MED12L: variants seen among roughly 807,000 people sequenced by gnomAD.
MED12L encodes mediator of RNA polymerase II transcription subunit 12-like protein.
MED12L carries 60 observed loss-of-function variants against 281.3 expected under a neutral mutation model. That is an observed-to-expected ratio of 0.21 (90% CI 0.17 to 0.26). MED12L has a LOEUF of 0.26. MED12L is among the 10% of genes least tolerant of loss of function. The pLI is 1.00. For missense variants in MED12L, 2,146 were observed against 2,680.9 expected, an observed-to-expected ratio of 0.80 and a Z score of 4.41; for synonymous variants, 974 against 987.2, an observed-to-expected ratio of 0.99 and a Z score of 0.25.
At chr3:151,261,978 C>T (rs1343911588) in intron 16 of MED12L, among the ~76,000 whole-genome samples, 3 of 152,104 alleles carry the variant, frequency 2.0e-5, no homozygotes, top group Non-Finnish European at 2.9e-5. Flanking sequence ...TGACCCGCCT[C>T]GGCCTCCCAG....
chr3:151,377,966 G>A (rs1711531570), intron 30 of MED12L, 46 bp from the exon 31 acceptor site: 21 of 1,520,438 alleles, frequency 1.4e-5, no homozygotes, highest in Non-Finnish European at 1.7e-5. Flanking sequence ...TGTGAGAGCA[G>A]GGGAAAGGAT....
At chr3:151,112,290 T>C (rs1386221694) in intron 2 of MED12L, among the ~76,000 whole-genome samples, 1 of 151,574 alleles carries the variant, frequency 6.6e-6, no homozygotes, top group Non-Finnish European at 1.5e-5. Context: ...TTCTTTTTTT[T>C]TTTTTTTTGA....
chr3:151,113,840 T>C (rs1712310185), intron 2 of MED12L, among the ~76,000 whole-genome samples: 1 of 152,152 alleles, frequency 6.6e-6, no homozygotes, highest in East Asian at 1.9e-4. Context: ...TTGGATACAA[T>C]GAGCAGCTAT....
chr3:151,372,505 C>A, intron 26 of MED12L, 62 bp from the exon 27 acceptor site: 2 of 1,217,006 alleles, frequency 1.6e-6, no homozygotes, highest in Admixed American at 3.4e-5. Flanking sequence ...CTCATTTGCT[C>A]CTCAATTATT....
At chr3:151,314,685 T>C (rs1706929694) in intron 16 of MED12L, among the ~76,000 whole-genome samples, 1 of 152,244 alleles carries the variant, frequency 6.6e-6, no homozygotes, top group Non-Finnish European at 1.5e-5. Flanking sequence ...TTTGTGGCTC[T>C]ACCCCATTTC....
chr3:151,354,798 C>T (rs1753706973), intron 17 of MED12L, among the ~76,000 whole-genome samples: 1 of 152,112 alleles, frequency 6.6e-6, no homozygotes, highest in South Asian at 2.1e-4. Context: ...CTGTTGATTG[C>T]AAGATGCCAG....
chr3:151,293,184 T>C (rs1456961249), intron 16 of MED12L, among the ~76,000 whole-genome samples: 1 of 152,208 alleles, frequency 6.6e-6, no homozygotes, highest in African/African-American at 2.4e-5. Context: ...TACCTAACAA[T>C]GATAGTCATT....
intron 36 of MED12L, 81 bp downstream of exon 36, chr3:151,385,272 TAAA>T (rs1468549912): frequency 1.3e-6 from 1 of 775,288 alleles, no homozygotes; most frequent in Admixed American, 3.3e-5. Flanking sequence ...ATAGGATATA[TAAA>T]ATATATTAAT....
chr3:151,344,476 G>A (rs955936606), intron 16 of MED12L, among the ~76,000 whole-genome samples: 1 of 152,078 alleles, frequency 6.6e-6, no homozygotes, highest in African/African-American at 2.4e-5. Flanking sequence ...AAGAAATAGT[G>A]TTTTAAGGCA....
At chr3:151,397,967 C>T (rs557763921) in intron 39 of MED12L, among the ~76,000 whole-genome samples, 29 of 152,248 alleles carry the variant, frequency 1.9e-4, no homozygotes, top group East Asian at 5.8e-4. Context: ...CTGCTTCCTA[C>T]GACAGTTTTC....
intron 16 of MED12L, among the ~76,000 whole-genome samples, chr3:151,240,973 G>A (rs1733954194): frequency 6.6e-6 from 1 of 152,188 alleles, no homozygotes; most frequent in Non-Finnish European, 1.5e-5. Context: ...ACAGGGGCAA[G>A]AATAGAAGGC....
At chr3:151,376,347 G>A in intron 28 of MED12L, 133 bp downstream of exon 28, 2 of 711,962 alleles carry the variant, frequency 2.8e-6, no homozygotes, top group Non-Finnish European at 4.2e-6. Flanking sequence ...CACATTTTCT[G>A]TGGAATTGAC....
intron 16 of MED12L, chr3:151,327,348 C>T (rs1184230143): frequency 6.6e-6 from 1 of 152,178 alleles, no homozygotes; most frequent in African/African-American, 2.4e-5. Context: ...TTGAATTGTA[C>T]ACACTTAAGG....
At chr3:151,129,816 T>C (rs1371023347) in intron 5 of MED12L, among the ~76,000 whole-genome samples, 1 of 152,068 alleles carries the variant, frequency 6.6e-6, no homozygotes, top group Non-Finnish European at 1.5e-5. Context: ...TCACCCATGT[T>C]GGAGTGCAGT....
At chr3:151,243,618 G>A (rs371758512) in intron 16 of MED12L, among the ~76,000 whole-genome samples, 18 of 151,072 alleles carry the variant, frequency 1.2e-4, no homozygotes, top group Middle Eastern at 3.2e-3. Flanking sequence ...TGAAGGAAGC[G>A]CTAAACATGG....
intron 16 of MED12L, chr3:151,269,397 T>TCTCACACACACA (rs925857835): frequency 2.1e-5 from 3 of 144,512 alleles, no homozygotes; most frequent in Admixed American, 6.9e-5. Context: ...TGAAACTCCA[T>TCTCACACACACA]CACACACACA....
chr3:151,318,302 G>C (rs563717916), intron 16 of MED12L, among the ~76,000 whole-genome samples: 1 of 151,208 alleles, frequency 6.6e-6, no homozygotes, highest in African/African-American at 2.4e-5. Context: ...GACTCTCTCT[G>C]TGCTATTTTA....
At chr3:151,311,235 A>G (rs1419383347) in intron 16 of MED12L, among the ~76,000 whole-genome samples, 1 of 152,156 alleles carries the variant, frequency 6.6e-6, no homozygotes, top group East Asian at 1.9e-4. Flanking sequence ...TCTTAGGATG[A>G]AAAGTAGAGA....
chr3:151,132,596 C>G (rs776152502), intron 5 of MED12L, among the ~76,000 whole-genome samples: 4 of 152,078 alleles, frequency 2.6e-5, no homozygotes, highest in Non-Finnish European at 5.9e-5. Context: ...AAGGTGGTGT[C>G]TATCGGATTT....
Sources: allele counts gnomAD v4.1 joint callset (sites outside exome capture counted in the v4.1 genomes callset), GRCh38; gene constraint gnomAD v4.1.1; transcripts MANE v1.5; gene names NCBI Gene and HGNC (gene_info 2026-07-23, HGNC 2026-07-21).